Variants in MINDY2 observed in about 807,000 individuals in gnomAD.
MINDY2 encodes ubiquitin carboxyl-terminal hydrolase MINDY-2.
A neutral mutation model predicts 68.2 loss-of-function variants in MINDY2; 52 were observed. The observed-to-expected ratio is 0.76, with a 90% CI of 0.61 to 0.96. MINDY2 has a LOEUF of 0.96. Ranked by LOEUF, MINDY2 falls within the 40% of genes least tolerant of loss-of-function variation. MINDY2 has a pLI of 0.00. For synonymous variants in MINDY2, 372 were observed against 303.0 expected (o/e 1.23, Z -2.36); for missense variants, 881 against 773.4 (o/e 1.14, Z -1.65).
At position 58,854,557 on chromosome 15, in the gene MINDY2, C is replaced by T. The variant is rs914220356; in HGVS notation, c.1813C>T (p.Arg605Ter). Reference sequence around the variant, plus strand: ...TAGTGAACGTAAACGGAAGGAACCACGAGAAAAAGATAAAGAAAAAGAAAA... The same window carrying T: ...TAGTGAACGTAAACGGAAGGAACCATGAGAAAAAGATAAAGAAAAAGAAAA... ...GNSERKRKEP[R>*]EKDKEKEKEK... Residue 605 changes from arginine to a stop codon, truncating the protein, a stop_gained, in exon 9 of 9, where the codon CGA becomes TGA. Coordinates refer to ENST00000559228, the MANE Select transcript of MINDY2 (RefSeq NM_001040450.3). LOFTEE classifies it high-confidence loss of function. The T allele has an allele frequency of 6.2e-7, 1 of 1,612,128 alleles. No homozygotes were observed. The highest frequency in any genetic ancestry group is 8.5e-7 in the Non-Finnish European group (1 of 1,179,328).
intron 5 of MINDY2, among the ~76,000 whole-genome samples, chr15:58,823,000 G>T (rs2031161693): frequency 6.6e-6 from 1 of 152,050 alleles, no homozygotes; most frequent in Admixed American, 6.6e-5. Context: ...ATATGTACAT[G>T]AATTCCATCT....
chr15:58,791,619 A>AAT (rs201307103), intron 2 of MINDY2, among the ~76,000 whole-genome samples: 13 of 60,514 alleles, frequency 2.1e-4, no homozygotes, highest in African/African-American at 7.0e-4. Flanking sequence ...CCTGTCTCAA[A>AAT]ATATGTGTGT....
chr15:58,813,478 G>A (rs1423913352), intron 4 of MINDY2, among the ~76,000 whole-genome samples: 1 of 152,208 alleles, frequency 6.6e-6, no homozygotes, highest in Non-Finnish European at 1.5e-5. Flanking sequence ...CCTGGGTGAT[G>A]GAGCAAGACT....
chr15:58,853,630 C>A (rs1005316486), intron 8 of MINDY2, among the ~76,000 whole-genome samples: 18 of 151,706 alleles, frequency 1.2e-4, no homozygotes, highest in Non-Finnish European at 1.9e-4. Context: ...ACCAGCCTGG[C>A]CAATATGATG....
chr15:58,804,453 AT>A (rs1314698502), intron 3 of MINDY2, among the ~76,000 whole-genome samples: 2 of 152,122 alleles, frequency 1.3e-5, no homozygotes, highest in Non-Finnish European at 2.9e-5. Context: ...CTCCAAATTC[AT>A]TTTACTTTCG....
chr15:58,847,499 G>A, intron 7 of MINDY2, 29 bp downstream of exon 7: 13 of 1,472,852 alleles, frequency 8.8e-6, no homozygotes, highest in African/African-American at 1.4e-5. Context: ...CTTTATAGTG[G>A]TTAAAATGCT....
intron 4 of MINDY2, chr15:58,817,550 C>G (rs2030770934): frequency 6.6e-6 from 1 of 152,150 alleles, no homozygotes; most frequent in Admixed American, 6.6e-5. Context: ...ATGGTGAAAC[C>G]TTGTCTCTAT....
In MINDY2 at chr15:58,861,578, AT is replaced by A. The variant is rs1366099056; in HGVS notation, c.*6971del. 1 of 152,216 alleles carries A rather than the reference AT, an allele frequency of 6.6e-6. No homozygotes were observed. Among genetic ancestry groups the A allele is most frequent in the Non-Finnish European group, 1.5e-5 (1 of 68,040 alleles). 9.4% of individuals were successfully genotyped at this position (152,216 alleles called of 1,614,324 possible). A position where few individuals can be genotyped will look rare whatever the true frequency, so the allele number is the denominator to read the frequency against. On this transcript the variant is annotated 3_prime_UTR_variant, in exon 9 of 9. Transcript: ENST00000559228. ...GTTGAACTGAATTTCTGTGAAATAA[AT>A]TTGTTTTAAATACTAATTATTTTAA...
intron 2 of MINDY2, among the ~76,000 whole-genome samples, chr15:58,791,768 A>T (rs1387362441): frequency 6.6e-6 from 1 of 151,976 alleles, no homozygotes; most frequent in Non-Finnish European, 1.5e-5. Context: ...TAGACAGTAC[A>T]AGTCTAGCCT....
In MINDY2 at chr15:58,858,110, A is replaced by T. The variant is rs1446931508; in HGVS notation, c.*3500A>T. On this transcript the variant is annotated 3_prime_UTR_variant, in exon 9 of 9. Coordinates refer to ENST00000559228, the MANE Select transcript of MINDY2 (RefSeq NM_001040450.3). Reference sequence around the variant, plus strand: ...AATACATGTGTACATATACACATTAAGCAGTATAAAGCAGCTAAAATTGGC... The same window carrying T: ...AATACATGTGTACATATACACATTATGCAGTATAAAGCAGCTAAAATTGGC... The T allele has an allele frequency of 6.6e-6, 1 of 152,240 alleles. No individual in the cohort carries two copies. Among genetic ancestry groups the T allele is most frequent in the Admixed American group, 6.5e-5 (1 of 15,274 alleles). The allele number at this position is 152,240 out of a possible 1,614,324, so 9.4% of individuals were successfully genotyped here.
intron 3 of MINDY2, among the ~76,000 whole-genome samples, chr15:58,809,532 A>G (rs888067053): frequency 2.6e-5 from 4 of 152,198 alleles, no homozygotes; most frequent in African/African-American, 9.6e-5. Context: ...GCGTGGGTGT[A>G]CAACTATCTC....
intron 4 of MINDY2, among the ~76,000 whole-genome samples, chr15:58,811,816 G>C (rs912518322): frequency 6.6e-6 from 1 of 152,132 alleles, no homozygotes; most frequent in East Asian, 1.9e-4. Context: ...TCAATTGGAA[G>C]GGTGAAAGGA....
chr15:58,813,872 A>AT (rs2030479223), intron 4 of MINDY2, among the ~76,000 whole-genome samples: 1 of 144,630 alleles, frequency 6.9e-6, no homozygotes, highest in South Asian at 2.2e-4. Flanking sequence ...TGTTGTCACT[A>AT]TTTTTTATTT....
chr15:58,788,338 C>G (rs149993648), intron 2 of MINDY2, among the ~76,000 whole-genome samples: 1 of 152,080 alleles, frequency 6.6e-6, no homozygotes, highest in Non-Finnish European at 1.5e-5. Flanking sequence ...GCAGTGCTAC[C>G]GAAAGTGTGA....
chr15:58,775,183 G>T (rs1900699738), intron 1 of MINDY2, among the ~76,000 whole-genome samples: 2 of 152,110 alleles, frequency 1.3e-5, no homozygotes, highest in South Asian at 4.1e-4. Context: ...GTCAGTTAAT[G>T]CAATGTGTGC....
intron 2 of MINDY2, among the ~76,000 whole-genome samples, chr15:58,798,176 G>A (rs1005470731): frequency 6.6e-6 from 1 of 152,050 alleles, no homozygotes; most frequent in African/African-American, 2.4e-5. Flanking sequence ...GAGTATAATG[G>A]TGCGATCTTG....
chr15:58,772,767 T>C (rs956242449), intron 1 of MINDY2, among the ~76,000 whole-genome samples: 1 of 152,214 alleles, frequency 6.6e-6, no homozygotes, highest in Non-Finnish European at 1.5e-5. Context: ...AAAGCATTGG[T>C]CTGAGACCCA....
intron 2 of MINDY2, among the ~76,000 whole-genome samples, chr15:58,788,973 C>G (rs1901693890): frequency 6.6e-6 from 1 of 152,226 alleles, no homozygotes. Flanking sequence ...GATCATGCCA[C>G]TGCACTCCAG....
chr15:58,783,737 T>C (rs1391729800), intron 1 of MINDY2, among the ~76,000 whole-genome samples: 1 of 152,096 alleles, frequency 6.6e-6, no homozygotes, highest in African/African-American at 2.4e-5. Context: ...GGGCTCCTGC[T>C]TGAGTCCAGG....
Sources: allele counts gnomAD v4.1 joint callset (sites outside exome capture counted in the v4.1 genomes callset), GRCh38; gene constraint gnomAD v4.1.1; transcripts MANE v1.5; gene names NCBI Gene and HGNC (gene_info 2026-07-23, HGNC 2026-07-21).